The following CLIC5 variants were observed in gnomAD, a reference collection of about 807,000 sequenced individuals.
CLIC5 encodes the protein chloride intracellular channel protein 5.
In CLIC5, 20 loss-of-function variants were observed where a neutral mutation model predicts 24.7. That is an observed-to-expected ratio of 0.81 (90% CI 0.57 to 1.18). The LOEUF is 1.18. CLIC5 is among the 50% of genes most tolerant of loss of function. The pLI, the probability that CLIC5 is intolerant of heterozygous loss-of-function variation, is 0.00. For synonymous variants in CLIC5, 159 were observed against 135.6 expected, an observed-to-expected ratio of 1.17 and a Z score of -1.20; for missense variants, 341 against 326.1, an observed-to-expected ratio of 1.05 and a Z score of -0.35.
chr6:45,970,446 T>C (rs1232484428), intron 1 of CLIC5, among the ~76,000 whole-genome samples: 1 of 152,208 alleles, frequency 6.6e-6, no homozygotes, highest in African/African-American at 2.4e-5. Flanking sequence ...GGAGTCTGTC[T>C]TTTGTAATCC....
At chr6:45,963,934 A>T (rs1268748023) in intron 1 of CLIC5, among the ~76,000 whole-genome samples, 1 of 152,222 alleles carries the variant, frequency 6.6e-6, no homozygotes, top group African/African-American at 2.4e-5. Flanking sequence ...CTCCATTAGC[A>T]TGAATGTGAC....
chr6:45,998,461 G>C (rs1159044378), intron 1 of CLIC5, among the ~76,000 whole-genome samples: 1 of 152,204 alleles, frequency 6.6e-6, no homozygotes, highest in Non-Finnish European at 1.5e-5. Flanking sequence ...AATGAGTTCT[G>C]TCTACATCCA....
At chr6:45,967,908 A>G (rs1183238381) in intron 1 of CLIC5, among the ~76,000 whole-genome samples, 1 of 152,160 alleles carries the variant, frequency 6.6e-6, no homozygotes, top group Non-Finnish European at 1.5e-5. Flanking sequence ...AACCAACCCC[A>G]TGATCCAAAC....
chr6:46,011,017 C>T (rs1766788565), intron 1 of CLIC5, among the ~76,000 whole-genome samples: 1 of 152,214 alleles, frequency 6.6e-6, no homozygotes, highest in Admixed American at 6.5e-5. Flanking sequence ...GATGACCACA[C>T]CACGAGTCAC....
the CLIC5 span, among the ~76,000 whole-genome samples, chr6:46,092,404 T>G: frequency 6.6e-6 from 1 of 152,228 alleles, no homozygotes; most frequent in African/African-American, 2.4e-5. Context: ...GTCTTCCTCA[T>G]GATTATTATT....
At chr6:46,104,143 T>A in the CLIC5 span, among the ~76,000 whole-genome samples, 1 of 152,222 alleles carries the variant, frequency 6.6e-6, no homozygotes, top group Non-Finnish European at 1.5e-5. Flanking sequence ...CTTTTTGGTA[T>A]GCATATTCAT....
At chr6:45,929,041 C>T (rs542791902) in intron 4 of CLIC5, among the ~76,000 whole-genome samples, 4 of 152,154 alleles carry the variant, frequency 2.6e-5, no homozygotes, top group African/African-American at 9.6e-5. Flanking sequence ...TGGTGGTCTC[C>T]GCTCTACTCC....
At chr6:45,974,522 T>TATATATATATAGAGAG (rs1339415709) in intron 1 of CLIC5, among the ~76,000 whole-genome samples, 1 of 66,006 alleles carries the variant, frequency 1.5e-5, no homozygotes, top group African/African-American at 6.2e-5. Context: ...TATATATATA[T>TATATATATATAGAGAG]AGAGAGAGAG....
At chr6:46,071,566 T>C (rs1581918999) in intron 1 of CLIC5, among the ~76,000 whole-genome samples, 1 of 152,132 alleles carries the variant, frequency 6.6e-6, no homozygotes, top group East Asian at 1.9e-4. Context: ...TGGCTATTAT[T>C]AAAAAGTCAA....
rs981519565 is a variant in CLIC5 at position 46,034,907 on chromosome 6, A to G, written c.540+44796T>C. ...TAAGGTTCGGAGAAGTGGGACCGTA[A>G]TAGCTGTATGGCCTTGGGCAAGTCA... is the stretch of plus-strand genomic sequence containing the variant. On this transcript the variant is annotated intron_variant, in intron 1 of 5. Transcript: ENST00000185206. Among the ~76,000 whole-genome samples, 13 of 152,196 alleles carry G rather than the reference A, an allele frequency of 8.5e-5. 1 individual carries two copies. Among genetic ancestry groups the G allele is most frequent in the Non-Finnish European group, 1.8e-4 (12 of 68,044 alleles).
intron 4 of CLIC5, chr6:45,920,155 T>C: frequency 4.1e-6 from 4 of 976,718 alleles, no homozygotes; most frequent in Non-Finnish European, 4.9e-6. Context: ...CATATTTGTG[T>C]TCTGCTACCA....
At chr6:46,090,430 A>G in the CLIC5 span, among the ~76,000 whole-genome samples, 1 of 150,976 alleles carries the variant, frequency 6.6e-6, no homozygotes, top group Non-Finnish European at 1.5e-5. Flanking sequence ...CCACTTCCCA[A>G]TTATTTTGCT....
chr6:45,883,489 A>G (rs961903765), intron 6 of CLIC5, among the ~76,000 whole-genome samples: 2 of 152,198 alleles, frequency 1.3e-5, no homozygotes, highest in Non-Finnish European at 2.9e-5. Flanking sequence ...GTGCTCACAG[A>G]GTGATGGGCT....
intron 1 of CLIC5, among the ~76,000 whole-genome samples, chr6:45,996,328 T>C (rs1561992191): frequency 6.6e-6 from 1 of 152,150 alleles, no homozygotes; most frequent in East Asian, 1.9e-4. Flanking sequence ...TTTCTTTTGC[T>C]GTGCAGAAGC....
intron 4 of CLIC5, among the ~76,000 whole-genome samples, chr6:45,915,313 A>G (rs1043296038): frequency 6.6e-6 from 1 of 152,182 alleles, no homozygotes; most frequent in African/African-American, 2.4e-5. Flanking sequence ...TTTTAGGAAG[A>G]AAAGGCTATT....
chr6:45,955,112 C>T lies in CLIC5; in HGVS notation c.173+23G>A, dbSNP rs3734206. On this transcript the variant is annotated intron_variant, in intron 2 of 5. Transcript: ENST00000339561. ...TCTGTTCATGCAGCTAAACATACTC[C>T]TCATTTATGCAACGTACGTTACCTT... 0.86 allele frequency: 1,348,916 copies of T among 1,560,972 alleles called. 588,702 individuals carry two copies. The highest frequency in any genetic ancestry group is 0.9 in the Non-Finnish European group (1,019,910 of 1,133,866).
chr6:45,974,156 A>AT (rs1765298060), intron 1 of CLIC5, among the ~76,000 whole-genome samples: 4 of 151,614 alleles, frequency 2.6e-5, no homozygotes, highest in African/African-American at 4.8e-5. Flanking sequence ...AGAGAGGAGA[A>AT]ATATATATAG....
chr6:45,907,178 C>T lies in CLIC5; in HGVS notation c.589-3923G>A, dbSNP rs185377729. Among the ~76,000 whole-genome samples, 125 of 152,132 alleles carry T rather than the reference C, an allele frequency of 8.2e-4. 2 individuals carry two copies. Among genetic ancestry groups the T allele is most frequent in the Admixed American group, 7.9e-3 (121 of 15,284 alleles). ...GCAGATTTGTCATAGATAGATGGCT[C>T]TTATTATTTTGAGGGGTGTTCCTTT... On this transcript the variant is annotated intron_variant, in intron 5 of 5. Coordinates refer to ENST00000339561, the MANE Select transcript of CLIC5 (RefSeq NM_016929.5).
At chr6:45,932,481 G>C (rs1763774704) in intron 4 of CLIC5, among the ~76,000 whole-genome samples, 1 of 152,314 alleles carries the variant, frequency 6.6e-6, no homozygotes, top group South Asian at 2.1e-4. Context: ...GGATGATCTT[G>C]CTTAATACGT....
Sources: allele counts gnomAD v4.1 joint callset (sites outside exome capture counted in the v4.1 genomes callset), GRCh38; gene constraint gnomAD v4.1.1; transcripts MANE v1.5; gene names NCBI Gene and HGNC (gene_info 2026-07-23, HGNC 2026-07-21).